Variants in XKR9 observed in about 807,000 individuals in gnomAD.
XKR9 encodes XK related 9.
Under a neutral mutation model 32.0 loss-of-function variants are expected in XKR9, and 32 were observed. That is an observed-to-expected ratio of 1.00 (90% CI 0.76 to 1.34). XKR9 has a LOEUF of 1.34. Ranked by LOEUF, XKR9 falls within the 40% of genes most tolerant of loss-of-function variation. The pLI is 0.00. For synonymous variants in XKR9, 168 were observed against 143.4 expected (o/e 1.17, Z -1.22); for missense variants, 546 against 429.7 (o/e 1.27, Z -2.39).
At chr8:70,738,892 A>G (rs1806911966), downstream of XKR9, among the ~76,000 whole-genome samples, 1 of 152,178 alleles carries the variant, frequency 6.6e-6, no homozygotes, top group African/African-American at 2.4e-5. Context: ...ACTTCCAAGT[A>G]TGTGGTCAAT....
intron 1 of XKR9, among the ~76,000 whole-genome samples, chr8:70,672,157 C>T (rs1586798457): frequency 3.3e-5 from 2 of 60,878 alleles, no homozygotes; most frequent in South Asian, 8.5e-4. Flanking sequence ...AGGTAATTTA[C>T]AGATTCAATG....
chr8:71,059,331 A>C, the XKR9 span, among the ~76,000 whole-genome samples: 1 of 152,164 alleles, frequency 6.6e-6, no homozygotes, highest in African/African-American at 2.4e-5. Flanking sequence ...CTTTTTACTG[A>C]CACTCCCTTC....
At position 70,692,061 on chromosome 8, in the gene XKR9, T is replaced by C. The variant is rs76807511; in HGVS notation, c.272+10731T>C. On this transcript the variant is annotated intron_variant, in intron 3 of 4. Coordinates refer to ENST00000408926, the MANE Select transcript of XKR9 (RefSeq NM_001011720.2). Reference sequence around the variant, plus strand: ...TTATGATGATGGGATTTTTTTCATTTGCTTGTGTCTTCTTTGATTTCTTTG... The same window carrying C: ...TTATGATGATGGGATTTTTTTCATTCGCTTGTGTCTTCTTTGATTTCTTTG... Among the ~76,000 whole-genome samples the C allele has an allele frequency of 8.4e-3, 1,277 of 152,294 alleles. 18 individuals carry two copies. Among genetic ancestry groups the C allele is most frequent in the African/African-American group, 0.029 (1,217 of 41,552 alleles).
At chr8:70,850,566 G>T in the XKR9 span, among the ~76,000 whole-genome samples, 1 of 151,470 alleles carries the variant, frequency 6.6e-6, no homozygotes, top group African/African-American at 2.4e-5. Context: ...GAATCCAGCA[G>T]CACATCATAG....
At chr8:70,700,503 C>T (rs903103360) in intron 3 of XKR9, among the ~76,000 whole-genome samples, 4 of 152,146 alleles carry the variant, frequency 2.6e-5, no homozygotes, top group East Asian at 1.9e-4. Context: ...AGCGGATTTT[C>T]GTGAACTGCA....
At chr8:70,789,088 A>G (rs1322342504) in intron 2 of XKR9, among the ~76,000 whole-genome samples, 1 of 152,070 alleles carries the variant, frequency 6.6e-6, no homozygotes, top group Non-Finnish European at 1.5e-5. Flanking sequence ...TGATCTCATG[A>G]CTAACTAGAA....
chr8:71,031,844 C>T, the XKR9 span, among the ~76,000 whole-genome samples: 1 of 152,118 alleles, frequency 6.6e-6, no homozygotes, highest in African/African-American at 2.4e-5. Context: ...ATATCAGATC[C>T]TGTTTAAAGT....
intron 2 of XKR9, among the ~76,000 whole-genome samples, chr8:70,745,890 A>G (rs1210862315): frequency 6.6e-6 from 1 of 152,196 alleles, no homozygotes; most frequent in Non-Finnish European, 1.5e-5. Context: ...TATATAATGC[A>G]TCTCTAACTC....
At chr8:70,996,049 A>G in the XKR9 span, among the ~76,000 whole-genome samples, 1 of 152,160 alleles carries the variant, frequency 6.6e-6, no homozygotes, top group Non-Finnish European at 1.5e-5. Flanking sequence ...GGGGAAAAAA[A>G]CAAAATACTT....
chr8:70,731,589 C>A (rs1806668484), intron 4 of XKR9, among the ~76,000 whole-genome samples: 1 of 152,224 alleles, frequency 6.6e-6, no homozygotes, highest in Non-Finnish European at 1.5e-5. Context: ...CCAGTCACCT[C>A]ATTCAGCACC....
chr8:70,713,120 T>C (rs1805975187), intron 4 of XKR9, among the ~76,000 whole-genome samples: 1 of 152,086 alleles, frequency 6.6e-6, no homozygotes, highest in South Asian at 2.1e-4. Flanking sequence ...AAGAAATAAG[T>C]AGAACTTACT....
chr8:70,724,654 A>G (rs1806401072), intron 4 of XKR9, among the ~76,000 whole-genome samples: 1 of 152,028 alleles, frequency 6.6e-6, no homozygotes, highest in Non-Finnish European at 1.5e-5. Flanking sequence ...CTTGCACTTC[A>G]TGGGTGAGGT....
chr8:71,042,361 C>A, the XKR9 span, among the ~76,000 whole-genome samples: 64,092 of 151,764 alleles, frequency 0.42, 14,756 homozygotes, highest in East Asian at 0.92. Flanking sequence ...TAGAGTATAG[C>A]AGTCTGGAGT....
At chr8:70,876,092 A>G in the XKR9 span, among the ~76,000 whole-genome samples, 1 of 152,230 alleles carries the variant, frequency 6.6e-6, no homozygotes, top group Non-Finnish European at 1.5e-5. Flanking sequence ...ACTATGAAAT[A>G]AAGCATAACA....
the XKR9 span, among the ~76,000 whole-genome samples, chr8:70,844,239 G>A: frequency 1.3e-5 from 2 of 152,204 alleles, no homozygotes; most frequent in East Asian, 3.9e-4. Context: ...GGGCCAAAGT[G>A]CATGCCACTG....
At chr8:70,692,608 T>G (rs1328755690) in intron 3 of XKR9, among the ~76,000 whole-genome samples, 1 of 152,102 alleles carries the variant, frequency 6.6e-6, no homozygotes, top group Non-Finnish European at 1.5e-5. Context: ...GACAGAGTTT[T>G]GCTCTTGTTG....
At chr8:70,791,283 T>C (rs1236523153), downstream of XKR9, among the ~76,000 whole-genome samples, 1 of 151,218 alleles carries the variant, frequency 6.6e-6, no homozygotes, top group Non-Finnish European at 1.5e-5. Flanking sequence ...AAGACCAACC[T>C]GAACAACAGA....
chr8:70,740,025 A>C (rs1393038985), downstream of XKR9, among the ~76,000 whole-genome samples: 1 of 152,060 alleles, frequency 6.6e-6, no homozygotes, highest in Non-Finnish European at 1.5e-5. Context: ...GCCTTGGTAG[A>C]CTGGGGAAGT....
chr8:70,860,356 TC>T, the XKR9 span, among the ~76,000 whole-genome samples: 3 of 152,040 alleles, frequency 2.0e-5, no homozygotes, highest in African/African-American at 7.2e-5. Context: ...AAGTTGGCAG[TC>T]TGCAACCCAG....
Sources: gnomAD v4.1 joint callset for allele counts (sites outside exome capture counted in the v4.1 genomes callset) on GRCh38, gnomAD v4.1.1 for gene constraint, MANE v1.5 for transcripts, NCBI Gene and HGNC (gene_info 2026-07-23, HGNC 2026-07-21) for gene names.